Variants in ITPK1 observed in about 807,000 individuals in gnomAD.
ITPK1 encodes inositol-tetrakisphosphate 1-kinase, also known as inositol 1,3,4-trisphosphate 5/6-kinase.
A neutral mutation model predicts 45.3 loss-of-function variants in ITPK1; 21 were observed. The observed-to-expected ratio is 0.46, with a 90% CI of 0.33 to 0.67. The LOEUF is 0.67. Among genes scored for constraint, ITPK1 ranks in the 30% least tolerant of loss-of-function variants. The pLI is 0.02. For synonymous variants in ITPK1, 258 were observed against 253.6 expected, an observed-to-expected ratio of 1.02 and a Z score of -0.16; for missense variants, 474 against 573.5, an observed-to-expected ratio of 0.83 and a Z score of 1.77.
At chr14:93,004,553 C>T (rs1316914484) in intron 4 of ITPK1, among the ~76,000 whole-genome samples, 2 of 151,874 alleles carry the variant, frequency 1.3e-5, no homozygotes, top group Non-Finnish European at 1.5e-5. Flanking sequence ...TGAGTGAGTG[C>T]GTGTGTGTGT....
In ITPK1 at chr14:92,995,529, G is replaced by A. The variant is rs150625599; in HGVS notation, c.247-1532C>T. ...CCTTGGATTTCGCGGCAGAGTATCT[G>A]GCCCTGGGCTCCTTTCTGTCTGAAT... On this transcript the variant is annotated intron_variant, in intron 4 of 10. Coordinates refer to ENST00000267615, the MANE Select transcript of ITPK1 (RefSeq NM_014216.6). 2.6e-5 allele frequency among the ~76,000 whole-genome samples: 4 copies of A among 152,282 alleles called. No individual in the cohort carries two copies. In the East Asian group the frequency reaches 7.7e-4, roughly 29 times the overall value.
Position 93,047,053 on chromosome 14 carries a change from G to T in ITPK1, c.120+29542C>A, listed in dbSNP as rs918093912. 2.0e-5 allele frequency among the ~76,000 whole-genome samples: 3 copies of T among 152,360 alleles called. No homozygotes were observed. The East Asian group carries it at 5.8e-4, about 29-fold the overall frequency. On this transcript the variant is annotated intron_variant, in intron 3 of 10. Transcript: ENST00000267615. Reference sequence around the variant, plus strand: ...AAGTCAGGAAAGAGGGGACCGAACTGGGAGAGAAGAATCAGACCAATGGAC... The same window carrying T: ...AAGTCAGGAAAGAGGGGACCGAACTTGGAGAGAAGAATCAGACCAATGGAC...
intron 4 of ITPK1, among the ~76,000 whole-genome samples, chr14:92,997,672 C>T (rs569229724): frequency 2.0e-5 from 3 of 152,322 alleles, no homozygotes; most frequent in Admixed American, 6.5e-5. Flanking sequence ...AGAAGGGCAG[C>T]GCCGTCTCCA....
At chr14:93,008,385 C>G (rs1177411488) in intron 4 of ITPK1, among the ~76,000 whole-genome samples, 2 of 122,204 alleles carry the variant, frequency 1.6e-5, no homozygotes, top group African/African-American at 7.1e-5. Flanking sequence ...TCTGTAATGT[C>G]TTTTAGGAGA....
Position 93,115,872 on chromosome 14 carries a change from C to T in ITPK1, c.-243G>A, listed in dbSNP as rs1447613170. ...CCGCGCACTCGCCGCCCCTGCCCGC[C>T]GCCGCCCCGCGCTGGCCCGGCCGCC... On this transcript the variant is annotated 5_prime_UTR_variant, in exon 1 of 11. Transcript: ENST00000267615. 1.4e-5 allele frequency: 2 copies of T among 146,392 alleles called. No individual in the cohort carries two copies. Among genetic ancestry groups the T allele is most frequent in the Non-Finnish European group, 3.0e-5 (2 of 65,682 alleles). 9.1% of individuals were successfully genotyped at this position (146,392 alleles called of 1,614,324 possible).
Position 92,940,797 on chromosome 14 carries a change from G to T in ITPK1, c.*764C>A, listed in dbSNP as rs770034432. Reference sequence around the variant, plus strand: ...CTCAGCACAGGCGCCATCGGCTCGGGCCTCCAGCCAGGCAGCCTCCTTCCC... The same window carrying T: ...CTCAGCACAGGCGCCATCGGCTCGGTCCTCCAGCCAGGCAGCCTCCTTCCC... On this transcript the variant is annotated 3_prime_UTR_variant, in exon 11 of 11. Coordinates refer to ENST00000267615, the MANE Select transcript of ITPK1 (RefSeq NM_014216.6). 2.3e-6 allele frequency: 3 copies of T among 1,287,300 alleles called. No individual in the cohort carries two copies. The highest frequency in any genetic ancestry group is 1.5e-5 in the African/African-American group (1 of 65,840). The allele number at this position is 1,287,300 out of a possible 1,614,324, so 79.7% of individuals were successfully genotyped here. A position where few individuals can be genotyped will look rare whatever the true frequency, so the allele number is the denominator to read the frequency against.
chr14:92,983,366 G>A lies in ITPK1; in HGVS notation c.364+10514C>T, dbSNP rs112110243. 2.1e-3 allele frequency among the ~76,000 whole-genome samples: 314 copies of A among 152,252 alleles called. 1 individual carries two copies. The highest frequency in any genetic ancestry group is 7.0e-3 in the African/African-American group (290 of 41,540). On this transcript the variant is annotated intron_variant, in intron 5 of 10. Transcript: ENST00000267615. ...TAAAATGTTTGGAGGGCTCTTTCTG[G>A]TAGTACCTATTCTAAAAGCAAAACA...
rs138905925 is a variant in ITPK1 at position 93,105,490 on chromosome 14, G to A, written c.95+9579C>T. On this transcript the variant is annotated intron_variant, in intron 2 of 10. Transcript: ENST00000267615. ...ACAGGGAAGGGAGACTTCAGGATGT[G>A]TACTTCTCCCTTCTCCCCAGTGCCC... 6.0e-5 allele frequency among the ~76,000 whole-genome samples: 9 copies of A among 149,522 alleles called. No homozygotes were observed. In the East Asian group the frequency reaches 1.8e-3, roughly 30 times the overall value.
At chr14:93,112,387 C>T (rs978634364) in intron 2 of ITPK1, among the ~76,000 whole-genome samples, 3 of 151,790 alleles carry the variant, frequency 2.0e-5, no homozygotes, top group African/African-American at 4.8e-5. Context: ...CAACCCACCC[C>T]GGGCCGGACC....
intron 5 of ITPK1, among the ~76,000 whole-genome samples, chr14:92,980,757 C>T (rs1886183942): frequency 6.6e-6 from 1 of 152,162 alleles, no homozygotes; most frequent in Non-Finnish European, 1.5e-5. Flanking sequence ...TTCACTATAA[C>T]CTCCGCCTCC....
At chr14:93,086,949 G>A (rs752900543) in intron 2 of ITPK1, among the ~76,000 whole-genome samples, 3 of 152,182 alleles carry the variant, frequency 2.0e-5, no homozygotes, top group East Asian at 1.9e-4. Flanking sequence ...CCAAGGTGTC[G>A]GGTCACATGG....
chr14:93,064,688 C>A (rs1400631564), intron 3 of ITPK1, among the ~76,000 whole-genome samples: 1 of 152,172 alleles, frequency 6.6e-6, no homozygotes, highest in Non-Finnish European at 1.5e-5. Flanking sequence ...AAGAGAAAGA[C>A]TCAGATTGAC....
At chr14:93,042,892 C>T (rs533275664) in intron 3 of ITPK1, among the ~76,000 whole-genome samples, 1 of 152,058 alleles carries the variant, frequency 6.6e-6, no homozygotes, top group East Asian at 1.9e-4. Context: ...GTGGCGTGCA[C>T]CTGCAATCGC....
intron 5 of ITPK1, among the ~76,000 whole-genome samples, chr14:92,982,472 A>G (rs908091865): frequency 1.3e-5 from 2 of 152,340 alleles, no homozygotes; most frequent in East Asian, 3.9e-4. Context: ...GCTGCTGGCC[A>G]GCAAGGGTGG....
At chr14:93,093,503 C>T (rs1891946202) in intron 2 of ITPK1, among the ~76,000 whole-genome samples, 1 of 152,192 alleles carries the variant, frequency 6.6e-6, no homozygotes, top group Admixed American at 6.5e-5. Flanking sequence ...GTCCTTTCTT[C>T]CCCCCTCAGC....
At chr14:92,951,478 C>T (rs148785518) in intron 9 of ITPK1, among the ~76,000 whole-genome samples, 10 of 152,296 alleles carry the variant, frequency 6.6e-5, no homozygotes, top group East Asian at 1.9e-4. Context: ...ACTCACTGAA[C>T]GGCCAGAACG....
At chr14:93,025,931 C>T (rs1208196813) in intron 3 of ITPK1, among the ~76,000 whole-genome samples, 1 of 152,132 alleles carries the variant, frequency 6.6e-6, no homozygotes, top group Admixed American at 6.5e-5. Context: ...AGTTTGAGAC[C>T]AGGCTGGATG....
At chr14:93,079,003 G>A (rs1405032726) in intron 2 of ITPK1, among the ~76,000 whole-genome samples, 4 of 151,940 alleles carry the variant, frequency 2.6e-5, no homozygotes, top group South Asian at 2.1e-4. Context: ...CCAGGGCCTC[G>A]GTTTCCCTCT....
Position 92,995,806 on chromosome 14 carries a change from G to A in ITPK1, c.247-1809C>T, listed in dbSNP as rs1229154636. Among the ~76,000 whole-genome samples, 5 of 152,324 alleles carry A rather than the reference G, an allele frequency of 3.3e-5. No individual in the cohort carries two copies. The South Asian group carries it at 8.3e-4, about 25-fold the overall frequency. On this transcript the variant is annotated intron_variant, in intron 4 of 10. Transcript: ENST00000267615. The stretch of plus-strand genomic sequence containing the variant: ...GTCTGCCGCCCACATGGAGCCTGGG[G>A]ACTAACCGAGGAGTCTCCTTAAGGA...
Sources: gnomAD v4.1 joint callset for allele counts (sites outside exome capture counted in the v4.1 genomes callset) on GRCh38, gnomAD v4.1.1 for gene constraint, MANE v1.5 for transcripts, NCBI Gene and HGNC (gene_info 2026-07-23, HGNC 2026-07-21) for gene names.